Variants in DTWD2 observed in about 807,000 individuals in gnomAD.
DTWD2 encodes tRNA-uridine aminocarboxypropyltransferase 2.
Under a neutral mutation model 31.8 loss-of-function variants are expected in DTWD2, and 39 were observed. That is an observed-to-expected ratio of 1.22 (90% confidence interval 0.95 to 1.60). The LOEUF (loss-of-function observed/expected upper bound fraction) is 1.60. DTWD2 is among the 40% of genes most tolerant of loss of function. The probability of loss-of-function intolerance (pLI) is 0.00; values close to 1 mark genes in which losing one functional copy is unlikely to be tolerated. For synonymous variants in DTWD2, 180 were observed against 142.8 expected, an observed-to-expected ratio of 1.26 and a Z score of -1.86; for missense variants, 515 against 381.5, an observed-to-expected ratio of 1.35 and a Z score of -2.92.
chr5:118,918,219 T>C (rs968041926), intron 4 of DTWD2, among the ~76,000 whole-genome samples: 2 of 152,178 alleles, frequency 1.3e-5, no homozygotes, highest in East Asian at 3.9e-4. Flanking sequence ...CTTCTAAATA[T>C]ACAAGTAATA....
At chr5:118,965,450 C>T (rs1432487129) in intron 1 of DTWD2, among the ~76,000 whole-genome samples, 1 of 64,608 alleles carries the variant, frequency 1.5e-5, no homozygotes, top group East Asian at 4.5e-4. Context: ...TGAGAACGGG[C>T]CATGATGATG....
intron 4 of DTWD2, among the ~76,000 whole-genome samples, chr5:118,856,853 A>G (rs1580769293): frequency 7.2e-6 from 1 of 138,314 alleles, no homozygotes; most frequent in African/African-American, 2.7e-5. Flanking sequence ...GCTCACTGCA[A>G]CCTCTGCCTC....
intron 4 of DTWD2, among the ~76,000 whole-genome samples, chr5:118,927,054 CAG>C (rs1372809371): frequency 6.6e-6 from 1 of 152,034 alleles, no homozygotes; most frequent in Non-Finnish European, 1.5e-5. Flanking sequence ...TCCTCACATG[CAG>C]AGAGAGACAG....
At chr5:118,957,423 T>C (rs762906462) in intron 1 of DTWD2, among the ~76,000 whole-genome samples, 2 of 152,062 alleles carry the variant, frequency 1.3e-5, no homozygotes, top group African/African-American at 2.4e-5. Context: ...GGTTTCACCA[T>C]GTTGGCAAGG....
At chr5:118,848,050 A>C (rs747357083) in intron 5 of DTWD2, 40 bp downstream of exon 5, 5 of 1,466,588 alleles carry the variant, frequency 3.4e-6, no homozygotes, top group African/African-American at 1.5e-5. Flanking sequence ...AATCTAAGAA[A>C]ACTCCCACTT....
intron 4 of DTWD2, among the ~76,000 whole-genome samples, chr5:118,864,324 G>A (rs1377084254): frequency 2.7e-5 from 4 of 150,634 alleles, no homozygotes; most frequent in African/African-American, 9.8e-5. Context: ...GATGAGAACT[G>A]AACAATGAGA....
intron 4 of DTWD2, among the ~76,000 whole-genome samples, chr5:118,865,596 C>T (rs1300606844): frequency 6.6e-6 from 1 of 152,150 alleles, no homozygotes; most frequent in Non-Finnish European, 1.5e-5. Context: ...TGTCTAAATA[C>T]ACACAAATGA....
At chr5:118,947,647 C>T (rs978950180) in intron 1 of DTWD2, among the ~76,000 whole-genome samples, 4 of 152,116 alleles carry the variant, frequency 2.6e-5, no homozygotes, top group African/African-American at 7.2e-5. Flanking sequence ...AGACAGCATT[C>T]GAGCGGGAAA....
At chr5:118,904,328 G>A (rs181139408) in intron 4 of DTWD2, among the ~76,000 whole-genome samples, 1 of 152,126 alleles carries the variant, frequency 6.6e-6, no homozygotes, top group African/African-American at 2.4e-5. Context: ...CATCCTCAGT[G>A]TCTAATAAAA....
At chr5:118,868,520 A>C (rs1205045537) in intron 4 of DTWD2, among the ~76,000 whole-genome samples, 3 of 152,180 alleles carry the variant, frequency 2.0e-5, no homozygotes, top group Non-Finnish European at 4.4e-5. Context: ...ATCTAATAAG[A>C]GGTTAATATC....
At chr5:118,951,048 T>C (rs1478213017) in intron 1 of DTWD2, among the ~76,000 whole-genome samples, 1 of 151,840 alleles carries the variant, frequency 6.6e-6, no homozygotes, top group Non-Finnish European at 1.5e-5. Flanking sequence ...TTTTCATATT[T>C]GATGAAAAAA....
At chr5:118,985,045 G>A (rs1202844102) in intron 1 of DTWD2, among the ~76,000 whole-genome samples, 2 of 152,036 alleles carry the variant, frequency 1.3e-5, no homozygotes, top group East Asian at 1.9e-4. Flanking sequence ...GGGTTATAGA[G>A]CATTAGGCCC....
intron 4 of DTWD2, among the ~76,000 whole-genome samples, chr5:118,860,164 T>A (rs1279210303): frequency 1.3e-5 from 2 of 149,914 alleles, no homozygotes; most frequent in African/African-American, 4.9e-5. Context: ...ATATTAGTTA[T>A]ACTGCTATAA....
intron 1 of DTWD2, among the ~76,000 whole-genome samples, chr5:118,953,596 C>T (rs1754515184): frequency 6.6e-6 from 1 of 152,156 alleles, no homozygotes; most frequent in Non-Finnish European, 1.5e-5. Flanking sequence ...ATGGGGACAC[C>T]ATACTTTGGA....
chr5:118,959,067 C>T (rs1754651992), intron 1 of DTWD2, among the ~76,000 whole-genome samples: 1 of 152,180 alleles, frequency 6.6e-6, no homozygotes, highest in Admixed American at 6.5e-5. Context: ...CTCACCACTC[C>T]TATTTAACAT....
intron 4 of DTWD2, among the ~76,000 whole-genome samples, chr5:118,854,338 C>A (rs1752081781): frequency 6.6e-6 from 1 of 151,718 alleles, no homozygotes; most frequent in Admixed American, 6.6e-5. Context: ...TTTAATAATG[C>A]AAAATCTGAA....
chr5:118,873,965 C>A (rs1752565999), intron 4 of DTWD2, among the ~76,000 whole-genome samples: 1 of 152,210 alleles, frequency 6.6e-6, no homozygotes, highest in African/African-American at 2.4e-5. Flanking sequence ...CACTCTGTTG[C>A]AACTGCTGCA....
intron 1 of DTWD2, among the ~76,000 whole-genome samples, chr5:118,980,503 A>C (rs760812524): frequency 5.3e-5 from 8 of 152,326 alleles, no homozygotes; most frequent in Non-Finnish European, 1.0e-4. Context: ...TACCAAAAGG[A>C]CTTGAATAGA....
intron 1 of DTWD2, among the ~76,000 whole-genome samples, chr5:118,976,632 T>C (rs1457450726): frequency 2.0e-5 from 3 of 152,076 alleles, no homozygotes; most frequent in African/African-American, 7.2e-5. Flanking sequence ...CTCCCAACAC[T>C]AAACTAGGAA....
Sources: allele counts gnomAD v4.1 joint callset (sites outside exome capture counted in the v4.1 genomes callset), GRCh38; gene constraint gnomAD v4.1.1; transcripts MANE v1.5; gene names NCBI Gene and HGNC (gene_info 2026-07-23, HGNC 2026-07-21).